The following IKBKB variants were observed in gnomAD, a reference collection of about 807,000 sequenced individuals.
The protein encoded by IKBKB is inhibitor of nuclear factor kappa B kinase subunit beta.
A neutral mutation model predicts 113.6 loss-of-function variants in IKBKB; 42 were observed. The ratio of observed to expected loss-of-function variants is 0.37; its 90% CI spans 0.29 to 0.48. The LOEUF (loss-of-function observed/expected upper bound fraction) is 0.48, where lower values mean the gene tolerates loss of function less well. Ranked by LOEUF, IKBKB falls within the 20% of genes least tolerant of loss-of-function variation. The pLI, the probability that IKBKB is intolerant of heterozygous loss-of-function variation, is 0.99. For missense variants in IKBKB, 673 were observed against 939.7 expected, an observed-to-expected ratio of 0.72 and a Z score of 3.71; for synonymous variants, 296 against 361.3, an observed-to-expected ratio of 0.82 and a Z score of 2.05.
At chr8:42,290,575 G>T (rs557542894) in intron 4 of IKBKB, among the ~76,000 whole-genome samples, 1 of 152,310 alleles carries the variant, frequency 6.6e-6, no homozygotes, top group Non-Finnish European at 1.5e-5. Flanking sequence ...GAAGGACTGG[G>T]CAAGTTCCAA....
intron 21 of IKBKB, 45 bp from the exon 22 acceptor site, chr8:42,330,869 T>C: frequency 6.2e-7 from 1 of 1,613,800 alleles, no homozygotes; most frequent in Admixed American, 1.7e-5. Flanking sequence ...TAACCTGAAA[T>C]GTGTTGGTGG....
At chr8:42,307,677 T>C (rs1257645836) in intron 7 of IKBKB, among the ~76,000 whole-genome samples, 1 of 152,186 alleles carries the variant, frequency 6.6e-6, no homozygotes, top group Non-Finnish European at 1.5e-5. Context: ...TGTGTCCATA[T>C]GGCATGTGAT....
chr8:42,296,649 CA>C (rs34947916), intron 5 of IKBKB, among the ~76,000 whole-genome samples: 30,364 of 117,112 alleles, frequency 0.26, 7,186 homozygotes, highest in African/African-American at 0.62. Context: ...AACTCCATCT[CA>C]AAAAAAAAAA....
Position 42,300,705 on chromosome 8 carries a change from G to A in IKBKB, c.389-4482G>A, listed in dbSNP as rs2272734. 3.3e-3 allele frequency among the ~76,000 whole-genome samples: 500 copies of A among 152,264 alleles called. 21 individuals carry two copies. The East Asian group carries it at 0.074, about 23-fold the overall frequency. ...CCAGGGAAAGGCTGGGGTTACCACCGGGGCACGGCTTCTGAGGAGGGTGAG... is the reference window on the plus strand; with the variant it reads ...CCAGGGAAAGGCTGGGGTTACCACCAGGGCACGGCTTCTGAGGAGGGTGAG... On this transcript the variant is annotated intron_variant, in intron 5 of 21. Transcript: ENST00000520810.
At chr8:42,300,240 A>C (rs1814896331) in intron 5 of IKBKB, among the ~76,000 whole-genome samples, 1 of 152,152 alleles carries the variant, frequency 6.6e-6, no homozygotes, top group African/African-American at 2.4e-5. Flanking sequence ...AGTGACATTG[A>C]AGTGGCTGGC....
In IKBKB at chr8:42,302,904, G is replaced by A. The variant is rs960606089; in HGVS notation, c.389-2283G>A. Among the ~76,000 whole-genome samples the A allele has an allele frequency of 8.5e-5, 13 of 152,118 alleles. No homozygotes were observed. In the East Asian group the frequency reaches 1.3e-3, roughly 16 times the overall value. ...AGTTTGACTCTTAAATATGTTTTCA[G>A]CAAATGTTCAGCTTAGAGTCTTTGC... On this transcript the variant is annotated intron_variant, in intron 5 of 21. Coordinates refer to ENST00000520810, the MANE Select transcript of IKBKB (RefSeq NM_001556.3).
chr8:42,330,025 C>G (rs1821482220), intron 21 of IKBKB: 1 of 985,462 alleles, frequency 1.0e-6, no homozygotes, highest in East Asian at 1.1e-4. Flanking sequence ...TGCTCTCCTC[C>G]TCCTGGCATG....
At position 42,288,681 on chromosome 8, in the gene IKBKB, C is replaced by A; in HGVS notation, c.153C>A (p.Ser51Arg). Residue 51 changes from serine (S) to arginine (R), a missense_variant, in exon 3 of 22, where the codon AGC becomes AGA. Ser to Arg is a moderately radical substitution (Grantham distance 110, BLOSUM62 -1). Coordinates refer to ENST00000520810, the MANE Select transcript of IKBKB (RefSeq NM_001556.3). Reference protein sequence around the residue: ...IAIKQCRQELSPRNRERWCLE... With the variant: ...IAIKQCRQELRPRNRERWCLE... ...TCAAGCAGTGCCGGCAGGAGCTCAG[C>A]CCCCGGAACCGAGAGCGGTGGTGCC... The A allele has an allele frequency of 6.2e-7, 1 of 1,610,678 alleles. No homozygotes were observed. Among genetic ancestry groups the A allele is most frequent in the African/African-American group, 1.3e-5 (1 of 74,826 alleles).
intron 8 of IKBKB, among the ~76,000 whole-genome samples, chr8:42,310,134 A>G (rs1449227099): frequency 6.6e-6 from 1 of 152,272 alleles, no homozygotes; most frequent in East Asian, 1.9e-4. Flanking sequence ...TAATTTAAAA[A>G]TGAATATTCC....
chr8:42,306,031 T>C (rs1407103630), intron 6 of IKBKB, among the ~76,000 whole-genome samples: 2 of 152,228 alleles, frequency 1.3e-5, no homozygotes, highest in Non-Finnish European at 2.9e-5. Flanking sequence ...GCCCGGTCCT[T>C]CCTGTTTCAA....
chr8:42,303,088 AGAATGAGAG>A (rs1815667509), intron 5 of IKBKB, among the ~76,000 whole-genome samples: 2 of 129,758 alleles, frequency 1.5e-5, no homozygotes, highest in South Asian at 2.7e-4. Context: ...AGAGAGAGAG[AGAATGAGAG>A]AGAGAGAGAG....
At position 42,316,876 on chromosome 8, in the gene IKBKB, C is replaced by T. The variant is rs763596106; in HGVS notation, c.1097C>T (p.Pro366Leu). Residue 366 changes from proline (P) to leucine (L), a missense_variant, in exon 11 of 22, where the codon CCT (proline) becomes CTT (leucine). Physicochemically the swap from Pro to Leu is moderately conservative, Grantham distance 98 (BLOSUM62 -3). Coordinates refer to ENST00000520810, the MANE Select transcript of IKBKB (RefSeq NM_001556.3). This position sits in a 1 kb window ranked among gnomAD's most constrained non-coding sequence, Gnocchi z 4.5. Reference sequence around the variant, plus strand: ...GGCCTGGCGTTGATCCCCGATAAGCCTGCCACTCAGTGTATTTCAGACGGC... The same window carrying T: ...GGCCTGGCGTTGATCCCCGATAAGCTTGCCACTCAGTGTATTTCAGACGGC... Reference protein sequence around the residue: ...EAGLALIPDKPATQCISDGKL... With the variant: ...EAGLALIPDKLATQCISDGKL... The T allele has an allele frequency of 6.2e-6, 10 of 1,614,142 alleles. No homozygotes were observed. The South Asian group carries it at 8.8e-5, about 14-fold the overall frequency.
intron 20 of IKBKB, among the ~76,000 whole-genome samples, chr8:42,327,110 A>G (rs1820890724): frequency 1.3e-5 from 2 of 152,202 alleles, no homozygotes; most frequent in African/African-American, 4.8e-5. Flanking sequence ...TTTATGGTAT[A>G]TAAATTATAT....
At chr8:42,318,705 A>C in intron 13 of IKBKB, 30 bp downstream of exon 13, 1 of 1,566,104 alleles carries the variant, frequency 6.4e-7, no homozygotes, top group South Asian at 1.2e-5. Context: ...TTTTAAACTT[A>C]ATTTATTTAA....
At chr8:42,288,759 A>T (rs1811947707) in intron 3 of IKBKB, 31 bp downstream of exon 3, 1 of 1,547,078 alleles carries the variant, frequency 6.5e-7, no homozygotes, top group Non-Finnish European at 8.8e-7. Context: ...GACCCAAGGG[A>T]AAGCTGGAGC....
intron 2 of IKBKB, among the ~76,000 whole-genome samples, chr8:42,285,808 G>C (rs1238401594): frequency 6.6e-6 from 1 of 152,186 alleles, no homozygotes; most frequent in East Asian, 1.9e-4. Context: ...AAAGAAGCCT[G>C]TCACAAAAGG....
intron 2 of IKBKB, among the ~76,000 whole-genome samples, chr8:42,284,576 C>T (rs982169644): frequency 4.1e-5 from 6 of 147,398 alleles, no homozygotes; most frequent in Admixed American, 1.4e-4. Flanking sequence ...AGCGAGACTC[C>T]GTCTCAAAAA....
intron 21 of IKBKB, 189 bp downstream of exon 21, chr8:42,329,403 A>G: frequency 9.9e-7 from 1 of 1,013,036 alleles, no homozygotes; most frequent in South Asian, 2.8e-5. Context: ...GCTCACTGCA[A>G]CCTCCGCTTC....
chr8:42,291,088 G>A (rs915369254), intron 4 of IKBKB, among the ~76,000 whole-genome samples: 6 of 152,210 alleles, frequency 3.9e-5, no homozygotes, highest in African/African-American at 1.4e-4. Flanking sequence ...CAGAGCCTGG[G>A]TCCCAGCCCA....
Sources: gnomAD v4.1 joint callset for allele counts (sites outside exome capture counted in the v4.1 genomes callset) on GRCh38, gnomAD v4.1.1 for gene constraint, Gnocchi (gnomAD v3.1) non-coding constraint, MANE v1.5 for transcripts, NCBI Gene and HGNC (gene_info 2026-07-23, HGNC 2026-07-21) for gene names.